The following CADM2 variants were observed in gnomAD, a reference collection of about 807,000 sequenced individuals.
CADM2 encodes cell adhesion molecule 2.
A neutral mutation model predicts 49.8 loss-of-function variants in CADM2; 12 were observed. That is an observed-to-expected ratio of 0.24 (90% CI 0.15 to 0.39). The LOEUF (loss-of-function observed/expected upper bound fraction) is 0.39. Ranked by LOEUF, CADM2 falls within the 10% of genes least tolerant of loss-of-function variation. The pLI is 1.00. For synonymous variants in CADM2, 214 were observed against 175.4 expected (o/e 1.22, Z -1.74); for missense variants, 378 against 492.3 (o/e 0.77, Z 2.20).
At chr3:85,580,953 T>C (rs1407166741) in intron 1 of CADM2, among the ~76,000 whole-genome samples, 3 of 152,080 alleles carry the variant, frequency 2.0e-5, no homozygotes, top group Non-Finnish European at 4.4e-5. Flanking sequence ...TACACAAAGA[T>C]CTTGATTTCT....
At chr3:85,034,175 TTGTC>T (rs1468076398) in intron 1 of CADM2, among the ~76,000 whole-genome samples, 1 of 152,212 alleles carries the variant, frequency 6.6e-6, no homozygotes, top group Non-Finnish European at 1.5e-5. Flanking sequence ...CAAGAAATTA[TTGTC>T]TACTGTGTCA....
At chr3:85,669,912 G>A (rs749596492) in intron 1 of CADM2, among the ~76,000 whole-genome samples, 36 of 152,026 alleles carry the variant, frequency 2.4e-4, no homozygotes, top group East Asian at 5.8e-4. Flanking sequence ...ATGAAGGAGC[G>A]GCAGCATGAT....
chr3:85,222,985 T>G (rs1238110321), intron 1 of CADM2, among the ~76,000 whole-genome samples: 3 of 152,120 alleles, frequency 2.0e-5, no homozygotes, highest in Non-Finnish European at 2.9e-5. Context: ...CTATCGAACT[T>G]AAAATATTTT....
chr3:85,860,030 C>T (rs533651118), intron 3 of CADM2, among the ~76,000 whole-genome samples: 35 of 152,010 alleles, frequency 2.3e-4, no homozygotes, highest in African/African-American at 7.7e-4. Flanking sequence ...ATATTTGAGT[C>T]GATCTTTTAC....
intron 1 of CADM2, among the ~76,000 whole-genome samples, chr3:85,321,826 C>A (rs933685893): frequency 2.0e-5 from 3 of 152,050 alleles, no homozygotes; most frequent in African/African-American, 7.2e-5. Flanking sequence ...AATTTTAGAC[C>A]TCATTGTATG....
At chr3:85,438,869 G>A (rs2037054216) in intron 1 of CADM2, among the ~76,000 whole-genome samples, 1 of 151,740 alleles carries the variant, frequency 6.6e-6, no homozygotes, top group Non-Finnish European at 1.5e-5. Context: ...TATATTTTTT[G>A]TAGAAATAGG....
At chr3:85,445,049 A>G (rs1039409176) in intron 1 of CADM2, among the ~76,000 whole-genome samples, 1 of 152,138 alleles carries the variant, frequency 6.6e-6, no homozygotes, top group African/African-American at 2.4e-5. Flanking sequence ...CATAACTATT[A>G]CTAAATGAGT....
At chr3:85,949,009 C>T (rs753950673) in intron 7 of CADM2, among the ~76,000 whole-genome samples, 121 of 151,318 alleles carry the variant, frequency 8.0e-4, no homozygotes, top group Non-Finnish European at 1.5e-3. Context: ...TAAGCACCAC[C>T]ACTCAAAATT....
chr3:84,984,300 C>T (rs1286225522), intron 1 of CADM2, among the ~76,000 whole-genome samples: 1 of 137,968 alleles, frequency 7.2e-6, no homozygotes, highest in Admixed American at 8.0e-5. Flanking sequence ...AGGCCTTCTG[C>T]ATCTTTGCAA....
chr3:85,862,915 A>G (rs1055364107), intron 3 of CADM2, among the ~76,000 whole-genome samples: 8 of 152,168 alleles, frequency 5.3e-5, no homozygotes, highest in African/African-American at 1.9e-4. Context: ...TACCTGAAAG[A>G]CTAGATGACA....
At chr3:86,002,906 T>C (rs2108745241) in intron 8 of CADM2, among the ~76,000 whole-genome samples, 1 of 152,320 alleles carries the variant, frequency 6.6e-6, no homozygotes, top group Admixed American at 6.5e-5. Context: ...TGTAAAATTA[T>C]TCAGTGTGAG....
chr3:85,780,949 C>G (rs567556908), intron 2 of CADM2, among the ~76,000 whole-genome samples: 1 of 152,204 alleles, frequency 6.6e-6, no homozygotes, highest in African/African-American at 2.4e-5. Context: ...GGACCATGCT[C>G]TTGGGACCCA....
At chr3:85,931,240 T>A (rs1720548473) in intron 6 of CADM2, among the ~76,000 whole-genome samples, 2 of 151,068 alleles carry the variant, frequency 1.3e-5, no homozygotes, top group Admixed American at 1.3e-4. Flanking sequence ...AGAAAGAAAG[T>A]AAGAAAGAGA....
intron 3 of CADM2, among the ~76,000 whole-genome samples, chr3:85,870,923 C>G (rs2075903987): frequency 6.6e-6 from 1 of 151,960 alleles, no homozygotes; most frequent in African/African-American, 2.4e-5. Context: ...AATGTAAAAC[C>G]CAAAACTATA....
chr3:85,060,528 T>C (rs1257805041), intron 1 of CADM2, among the ~76,000 whole-genome samples: 1 of 152,202 alleles, frequency 6.6e-6, no homozygotes, highest in Non-Finnish European at 1.5e-5. Context: ...TTATGGTAAA[T>C]GAAAATGTTT....
In CADM2 at chr3:85,866,676, G is replaced by A. The variant is rs576976163; in HGVS notation, c.239-16615G>A. On this transcript the variant is annotated intron_variant, in intron 3 of 9. Coordinates refer to ENST00000383699, the MANE Select transcript of CADM2 (RefSeq NM_001167675.2). ...AGGAATGTTTTAATTAATAATTTAT[G>A]TATTTGAAAAAAATATATATTATAA... Among the ~76,000 whole-genome samples the A allele has an allele frequency of 2.6e-5, 4 of 151,460 alleles. No individual in the cohort carries two copies. In the East Asian group the frequency reaches 5.9e-4, roughly 22 times the overall value.
rs531960781 is a variant in CADM2 at position 85,753,382 on chromosome 3, G to A, written c.88+26834G>A. ...AAAATGATGTGGAGAGAGTGTAAAC[G>A]TAGAAACAGGAAAAAAAATGTGATT... is the stretch of plus-strand genomic sequence containing the variant. On this transcript the variant is annotated intron_variant, in intron 2 of 9. Transcript: ENST00000383699. 2.8e-3 allele frequency among the ~76,000 whole-genome samples: 419 copies of A among 152,092 alleles called. 1 individual carries two copies. Among genetic ancestry groups the A allele is most frequent in the African/African-American group, 9.5e-3 (394 of 41,496 alleles).
intron 1 of CADM2, among the ~76,000 whole-genome samples, chr3:85,004,218 G>T (rs2033612099): frequency 6.6e-6 from 1 of 152,040 alleles, no homozygotes; most frequent in South Asian, 2.1e-4. Context: ...AATTCTGGTT[G>T]TAGAAGAGGG....
At chr3:85,556,332 G>A (rs1349975525) in intron 1 of CADM2, among the ~76,000 whole-genome samples, 1 of 152,124 alleles carries the variant, frequency 6.6e-6, no homozygotes, top group Non-Finnish European at 1.5e-5. Flanking sequence ...TGAAGAAGAA[G>A]AGGAGGTAGT....
Sources: gnomAD v4.1 joint callset for allele counts (sites outside exome capture counted in the v4.1 genomes callset) on GRCh38, gnomAD v4.1.1 for gene constraint, MANE v1.5 for transcripts, NCBI Gene and HGNC (gene_info 2026-07-23, HGNC 2026-07-21) for gene names.